ACYP2: variants seen among roughly 807,000 people sequenced by gnomAD.
ACYP2 encodes acylphosphatase 2, also known as acylphosphatase-2.
In ACYP2, 12 loss-of-function variants were observed where a neutral mutation model predicts 11.2. The ratio of observed to expected loss-of-function variants is 1.08; its 90% CI spans 0.69 to 1.74. The LOEUF is 1.74. ACYP2 is among the 40% of genes most tolerant of loss of function. The pLI is 0.00. For synonymous variants in ACYP2, 43 were observed against 32.2 expected (o/e 1.33, Z -1.13); for missense variants, 134 against 101.9 (o/e 1.31, Z -1.35).
chr2:54,119,968 G>C (rs1680049857), intron 4 of ACYP2, among the ~76,000 whole-genome samples: 1 of 152,108 alleles, frequency 6.6e-6, no homozygotes, highest in Non-Finnish European at 1.5e-5. Context: ...TCCCCAATTG[G>C]GATTTGTCTG....
intron 2 of ACYP2, among the ~76,000 whole-genome samples, chr2:53,992,173 T>TC (rs1672333689): frequency 6.6e-6 from 1 of 151,418 alleles, no homozygotes; most frequent in African/African-American, 2.4e-5. Context: ...CCTACTTTTT[T>TC]TCTTCCTTCC....
At position 54,255,162 on chromosome 2, in the gene ACYP2, C is replaced by A. The variant is rs368002272; in HGVS notation, c.405-49526C>A. 178 of 1,614,020 alleles carry A rather than the reference C, an allele frequency of 1.1e-4. No homozygotes were observed. Among genetic ancestry groups the A allele is most frequent in the Non-Finnish European group, 1.5e-4 (174 of 1,180,034 alleles). ...AGGACTGGGGTCCATGGCCCCGGCG[C>A]CACATGATTAGAGTGGAAAAAGACA... is the stretch of plus-strand genomic sequence containing the variant. On this transcript the variant is annotated intron_variant, in intron 6 of 6. Transcript: ENST00000607452.
At chr2:53,990,715 C>T (rs1194043348) in intron 2 of ACYP2, among the ~76,000 whole-genome samples, 1 of 150,132 alleles carries the variant, frequency 6.7e-6, no homozygotes, top group Non-Finnish European at 1.5e-5. Flanking sequence ...TAGCATAAAG[C>T]AGTGGTTGAG....
At chr2:54,271,586 CA>C in intron 6 of ACYP2, among the ~76,000 whole-genome samples, 1 of 151,930 alleles carries the variant, frequency 6.6e-6, no homozygotes, top group Non-Finnish European at 1.5e-5. Flanking sequence ...CTCTGTGCAC[CA>C]AATTATCCAT....
At chr2:54,091,041 A>G (rs1678196631) in intron 4 of ACYP2, among the ~76,000 whole-genome samples, 1 of 152,256 alleles carries the variant, frequency 6.6e-6, no homozygotes, top group Non-Finnish European at 1.5e-5. Flanking sequence ...TTCTATTTTT[A>G]AAATAGGCAG....
intron 2 of ACYP2, among the ~76,000 whole-genome samples, chr2:54,015,896 A>T (rs1329276700): frequency 6.6e-6 from 1 of 151,956 alleles, no homozygotes; most frequent in Non-Finnish European, 1.5e-5. Context: ...AACTCCTGGC[A>T]TCAAGTGATT....
At chr2:54,026,948 G>C (rs1453796001) in intron 2 of ACYP2, among the ~76,000 whole-genome samples, 1 of 152,062 alleles carries the variant, frequency 6.6e-6, no homozygotes, top group Non-Finnish European at 1.5e-5. Context: ...CTACACACTG[G>C]GTACAGTGTA....
At chr2:54,019,775 A>G (rs1264649666) in intron 2 of ACYP2, among the ~76,000 whole-genome samples, 3 of 151,660 alleles carry the variant, frequency 2.0e-5, no homozygotes, top group Non-Finnish European at 4.4e-5. Context: ...ATGAGCCACC[A>G]TGCCTGGCTA....
At chr2:54,215,848 T>G (rs1027553131) in intron 6 of ACYP2, among the ~76,000 whole-genome samples, 2 of 152,122 alleles carry the variant, frequency 1.3e-5, no homozygotes, top group African/African-American at 4.8e-5. Flanking sequence ...TGATGAAAAT[T>G]AGGTCATTTA....
At chr2:54,270,909 CTGTT>C (rs1233528152) in intron 6 of ACYP2, among the ~76,000 whole-genome samples, 1 of 152,122 alleles carries the variant, frequency 6.6e-6, no homozygotes, top group Non-Finnish European at 1.5e-5. Context: ...ATATCTAAAT[CTGTT>C]TATCTTGTTT....
At chr2:53,984,740 C>G (rs1162140703) in intron 2 of ACYP2, among the ~76,000 whole-genome samples, 1 of 151,616 alleles carries the variant, frequency 6.6e-6, no homozygotes, top group Admixed American at 6.6e-5. Context: ...GAAAATCTAC[C>G]AATAAAATTC....
intron 4 of ACYP2, among the ~76,000 whole-genome samples, chr2:54,091,969 G>A (rs972965064): frequency 5.3e-5 from 8 of 152,134 alleles, no homozygotes; most frequent in Non-Finnish European, 8.8e-5. Flanking sequence ...AAGGAGGGGT[G>A]CCCAGACAAG....
intron 6 of ACYP2, among the ~76,000 whole-genome samples, chr2:54,247,913 G>T (rs1008657461): frequency 9.9e-5 from 15 of 152,174 alleles, no homozygotes; most frequent in African/African-American, 3.4e-4. Flanking sequence ...GCAGAATGGG[G>T]ACAGAAATAC....
At chr2:54,188,951 A>C (rs1558598718) in intron 6 of ACYP2, among the ~76,000 whole-genome samples, 1 of 152,118 alleles carries the variant, frequency 6.6e-6, no homozygotes, top group Non-Finnish European at 1.5e-5. Context: ...CTGCCTACCC[A>C]AGGACTTTCT....
rs146547585 is a variant in ACYP2 at position 54,304,726 on chromosome 2, G to T, written c.443G>T (p.Arg148Leu). Residue 148 changes from arginine (R) to leucine (L), a missense_variant, in exon 7 of 7, where the codon CGC (arginine) becomes CTC (leucine). Physicochemically the swap from Arg to Leu is moderately radical, Grantham distance 102 (BLOSUM62 -2). Coordinates refer to ENST00000607452, the MANE Select transcript of ACYP2 (RefSeq NM_001320586.2). ...AGCAAGGTTGGAAGCCCTAGTTCTC[G>T]CATTGACCGCACAAACTTTTCTAAT... 1 of 1,611,872 alleles carries T rather than the reference G, an allele frequency of 6.2e-7. No individual in the cohort carries two copies. Among genetic ancestry groups the T allele is most frequent in the Non-Finnish European group, 8.5e-7 (1 of 1,179,448 alleles).
At chr2:54,271,044 T>A (rs1403680512) in intron 6 of ACYP2, among the ~76,000 whole-genome samples, 1 of 152,262 alleles carries the variant, frequency 6.6e-6, no homozygotes, top group African/African-American at 2.4e-5. Flanking sequence ...AGTGAGAGAC[T>A]GAGGCAAGAT....
At chr2:54,144,752 T>C (rs1194316152) in intron 6 of ACYP2, among the ~76,000 whole-genome samples, 1 of 152,174 alleles carries the variant, frequency 6.6e-6, no homozygotes, top group Non-Finnish European at 1.5e-5. Context: ...GAACTTCATT[T>C]TCTCCTCCTT....
intron 6 of ACYP2, among the ~76,000 whole-genome samples, chr2:54,153,220 G>T (rs1442942227): frequency 6.6e-6 from 1 of 151,370 alleles, no homozygotes; most frequent in Non-Finnish European, 1.5e-5. Flanking sequence ...ATTCTTTATT[G>T]AAGAGACTGT....
chr2:54,072,305 ATTTAT>A (rs1255141728), intron 4 of ACYP2, among the ~76,000 whole-genome samples: 2 of 151,868 alleles, frequency 1.3e-5, no homozygotes, highest in Non-Finnish European at 2.9e-5. Flanking sequence ...GCCTTATTTT[ATTTAT>A]TTTATTTTAT....
Sources: allele counts gnomAD v4.1 joint callset (sites outside exome capture counted in the v4.1 genomes callset), GRCh38; gene constraint gnomAD v4.1.1; transcripts MANE v1.5; gene names NCBI Gene and HGNC (gene_info 2026-07-23, HGNC 2026-07-21).